MAPK10: variants seen among roughly 807,000 people sequenced by gnomAD.
MAPK10 encodes mitogen-activated protein kinase 10, also known as JNK3 alpha protein kinase.
MAPK10 carries 25 observed loss-of-function variants against 59.3 expected under a neutral mutation model. The ratio of observed to expected loss-of-function variants is 0.42; its 90% CI spans 0.31 to 0.59. The LOEUF (loss-of-function observed/expected upper bound fraction) is 0.59. Among genes scored for constraint, MAPK10 ranks in the 20% least tolerant of loss-of-function variants. The probability of loss-of-function intolerance (pLI) is 0.15; values close to 1 mark genes in which losing one functional copy is unlikely to be tolerated. For missense variants in MAPK10, 351 were observed against 568.9 expected (o/e 0.62, Z 3.90); for synonymous variants, 190 against 200.5 (o/e 0.95, Z 0.44).
intron 9 of MAPK10, among the ~76,000 whole-genome samples, chr4:86,076,042 C>T (rs1336979506): frequency 2.0e-5 from 3 of 151,956 alleles, no homozygotes; most frequent in East Asian, 1.9e-4. Context: ...TAGCAATCAG[C>T]GAGATTCCGT....
chr4:86,199,843 T>C (rs74901842), intron 2 of MAPK10, among the ~76,000 whole-genome samples: 3,853 of 152,086 alleles, frequency 0.025, 158 homozygotes, highest in African/African-American at 0.089. Context: ...ACGTTTGGTA[T>C]GATGTACCAA....
chr4:86,532,970 A>G (rs1757953885), intron 1 of MAPK10, among the ~76,000 whole-genome samples: 1 of 152,026 alleles, frequency 6.6e-6, no homozygotes, highest in Non-Finnish European at 1.5e-5. Flanking sequence ...GACTTTGCAT[A>G]TTCTTCCCCT....
At chr4:86,021,086 A>T (rs1746469210) in intron 13 of MAPK10, among the ~76,000 whole-genome samples, 1 of 150,928 alleles carries the variant, frequency 6.6e-6, no homozygotes, top group African/African-American at 2.5e-5. Flanking sequence ...GATTAGATAC[A>T]GAGTATCAAC....
At chr4:86,111,751 T>A (rs2057518477) in intron 4 of MAPK10, among the ~76,000 whole-genome samples, 1 of 152,148 alleles carries the variant, frequency 6.6e-6, no homozygotes, top group East Asian at 1.9e-4. Flanking sequence ...ATAAAATGAG[T>A]TAGGAAGAGT....
intron 1 of MAPK10, among the ~76,000 whole-genome samples, chr4:86,579,888 ACTGTAAC>A (rs1762148015): frequency 6.6e-6 from 1 of 152,122 alleles, no homozygotes; most frequent in South Asian, 2.1e-4. Flanking sequence ...ATCACAGCTC[ACTGTAAC>A]CTCAAACTCC....
chr4:86,353,044 C>T, intron 2 of MAPK10, among the ~76,000 whole-genome samples: 1 of 152,108 alleles, frequency 6.6e-6, no homozygotes, highest in Non-Finnish European at 1.5e-5. Flanking sequence ...ACTGCATCCT[C>T]CCTTCCTCTG....
chr4:86,064,219 G>A, intron 11 of MAPK10, 47 bp downstream of exon 11: 1 of 1,610,470 alleles, frequency 6.2e-7, no homozygotes, highest in Non-Finnish European at 8.5e-7. Context: ...TTTGCTATGA[G>A]CTATGATTTG....
intron 1 of MAPK10, among the ~76,000 whole-genome samples, chr4:86,519,147 G>C (rs1038013510): frequency 1.3e-5 from 2 of 152,148 alleles, no homozygotes; most frequent in Non-Finnish European, 2.9e-5. Flanking sequence ...CTAGGGTATA[G>C]TTTAAGTCCA....
At chr4:86,535,155 T>G (rs1758134476) in intron 1 of MAPK10, among the ~76,000 whole-genome samples, 1 of 152,144 alleles carries the variant, frequency 6.6e-6, no homozygotes, top group Non-Finnish European at 1.5e-5. Context: ...TTTTGAGTTT[T>G]GTTGGTAAGA....
At chr4:86,175,568 T>C (rs1047481421) in intron 3 of MAPK10, among the ~76,000 whole-genome samples, 8 of 151,976 alleles carry the variant, frequency 5.3e-5, no homozygotes, top group Non-Finnish European at 1.2e-4. Flanking sequence ...TTTAAAAGTG[T>C]GTGACACCTC....
At chr4:86,510,264 C>T (rs1211797493) in intron 1 of MAPK10, among the ~76,000 whole-genome samples, 3 of 151,998 alleles carry the variant, frequency 2.0e-5, no homozygotes, top group Non-Finnish European at 2.9e-5. Context: ...AGGTATGTAC[C>T]CCCATGCCTG....
At chr4:86,183,135 GGTT>G (rs1562809039) in intron 3 of MAPK10, among the ~76,000 whole-genome samples, 1 of 141,722 alleles carries the variant, frequency 7.1e-6, no homozygotes, top group Non-Finnish European at 1.6e-5. Flanking sequence ...AGTTTTGGCT[GGTT>G]TTTTTTTATT....
At chr4:86,286,411 T>C (rs1490850527) in intron 2 of MAPK10, among the ~76,000 whole-genome samples, 3 of 152,122 alleles carry the variant, frequency 2.0e-5, no homozygotes, top group Non-Finnish European at 4.4e-5. Context: ...CGTTACTGAA[T>C]AGTAATGATA....
At chr4:86,394,927 G>C (rs1742717234) in intron 1 of MAPK10, among the ~76,000 whole-genome samples, 1 of 152,188 alleles carries the variant, frequency 6.6e-6, no homozygotes, top group Non-Finnish European at 1.5e-5. Context: ...TCTAGCGGCT[G>C]AGGGTATCAA....
intron 1 of MAPK10, among the ~76,000 whole-genome samples, chr4:86,547,423 G>C (rs1212555284): frequency 3.9e-5 from 6 of 152,258 alleles, no homozygotes; most frequent in African/African-American, 1.4e-4. Flanking sequence ...CCGGGGCAGT[G>C]AGGGGTTTAG....
intron 2 of MAPK10, among the ~76,000 whole-genome samples, chr4:86,239,728 T>C (rs996676354): frequency 6.6e-6 from 1 of 152,016 alleles, no homozygotes; most frequent in Admixed American, 6.6e-5. Flanking sequence ...GTCTATTTGA[T>C]TTTTCTCTCT....
intron 3 of MAPK10, among the ~76,000 whole-genome samples, chr4:86,184,290 T>C (rs1188471539): frequency 6.6e-6 from 1 of 152,132 alleles, no homozygotes; most frequent in Non-Finnish European, 1.5e-5. Context: ...TGGTATGTTT[T>C]TTAAGTGTTA....
intron 1 of MAPK10, among the ~76,000 whole-genome samples, chr4:86,432,391 C>T (rs1748156737): frequency 6.6e-6 from 1 of 152,092 alleles, no homozygotes; most frequent in Non-Finnish European, 1.5e-5. Context: ...TCTGGTGCCT[C>T]AGCCTTCCCA....
intron 2 of MAPK10, among the ~76,000 whole-genome samples, chr4:86,266,715 G>A (rs2094252421): frequency 1.3e-5 from 2 of 152,202 alleles, no homozygotes; most frequent in South Asian, 2.1e-4. Context: ...ATTTTGAGAA[G>A]CTTTATTATG....
Sources: gnomAD v4.1 joint callset for allele counts (sites outside exome capture counted in the v4.1 genomes callset) on GRCh38, gnomAD v4.1.1 for gene constraint, MANE v1.5 for transcripts, NCBI Gene and HGNC (gene_info 2026-07-23, HGNC 2026-07-21) for gene names.